Variants in ATP10D observed in about 807,000 individuals in gnomAD.
ATP10D encodes phospholipid-transporting ATPase VD.
Under a neutral mutation model 144.8 loss-of-function variants are expected in ATP10D, and 89 were observed. The observed-to-expected ratio is 0.61, with a 90% CI of 0.52 to 0.73. ATP10D has a LOEUF of 0.73. Ranked by LOEUF, ATP10D falls within the 30% of genes least tolerant of loss-of-function variation. ATP10D has a pLI of 0.00. For synonymous variants in ATP10D, 571 were observed against 615.1 expected (o/e 0.93, Z 1.06); for missense variants, 1,603 against 1,714.8 (o/e 0.93, Z 1.15).
intron 20 of ATP10D, among the ~76,000 whole-genome samples, chr4:47,581,388 A>G (rs532313164): frequency 6.6e-6 from 1 of 152,332 alleles, no homozygotes; most frequent in East Asian, 1.9e-4. Flanking sequence ...AATGAAAAAG[A>G]TGATCATTTC....
intron 1 of ATP10D, chr4:47,491,142 G>T: frequency 1.4e-6 from 1 of 734,478 alleles, no homozygotes. Flanking sequence ...TTTCCTTCAT[G>T]CGTTTCAGGA....
At chr4:47,491,634 C>T (rs1221893887) in intron 1 of ATP10D, among the ~76,000 whole-genome samples, 3 of 152,156 alleles carry the variant, frequency 2.0e-5, no homozygotes, top group Admixed American at 6.5e-5. Context: ...CATTTAATTT[C>T]GCATCACTTC....
At chr4:47,588,239 A>G (rs1720877593) in intron 22 of ATP10D, among the ~76,000 whole-genome samples, 1 of 152,206 alleles carries the variant, frequency 6.6e-6, no homozygotes, top group East Asian at 1.9e-4. Flanking sequence ...GGTTTTTAAT[A>G]TATAGATTCT....
At chr4:47,511,957 G>C (rs937461600) in intron 1 of ATP10D, among the ~76,000 whole-genome samples, 5 of 152,210 alleles carry the variant, frequency 3.3e-5, no homozygotes, top group African/African-American at 1.2e-4. Flanking sequence ...ATTAGCTGAA[G>C]CAAGGCACAT....
intron 1 of ATP10D, among the ~76,000 whole-genome samples, chr4:47,494,084 C>G (rs772173543): frequency 1.3e-5 from 2 of 152,090 alleles, no homozygotes; most frequent in Non-Finnish European, 2.9e-5. Context: ...GTCAGAAACA[C>G]AATGTTCAAC....
intron 11 of ATP10D, 59 bp from the exon 12 acceptor site, chr4:47,557,605 C>G: frequency 1.4e-6 from 2 of 1,452,928 alleles, no homozygotes; most frequent in South Asian, 3.3e-5. Flanking sequence ...AGTTTGCCTT[C>G]AAAGTTGTTA....
At chr4:47,504,197 T>G (rs1377168440) in intron 1 of ATP10D, among the ~76,000 whole-genome samples, 1 of 152,228 alleles carries the variant, frequency 6.6e-6, no homozygotes, top group Non-Finnish European at 1.5e-5. Flanking sequence ...TTGACCCTTG[T>G]CATCACAAAA....
Position 47,512,640 on chromosome 4 carries a change from C to T in ATP10D, c.100C>T (p.Leu34Phe). 1 of 1,614,168 alleles carries T rather than the reference C, an allele frequency of 6.2e-7. No homozygotes were observed. The highest frequency in any genetic ancestry group is 8.5e-7 in the Non-Finnish European group (1 of 1,180,036). ...DSGPYNYSSL[L>F]ACGRKSSQTP... ...AGGGCCATACAACTATTCCTCGTTG[C>T]TCGCCTGTGGGCGCAAGTCCTCTCA... Residue 34 changes from leucine (L) to phenylalanine (F), a missense_variant, in exon 2 of 23, where the codon CTC becomes TTC. Coordinates refer to ENST00000273859, the MANE Select transcript of ATP10D (RefSeq NM_020453.4).
chr4:47,534,682 A>G (rs1717746497), intron 5 of ATP10D, among the ~76,000 whole-genome samples: 1 of 152,184 alleles, frequency 6.6e-6, no homozygotes, highest in Admixed American at 6.5e-5. Context: ...CCAAGTCGAA[A>G]ATGATAATTT....
intron 9 of ATP10D, among the ~76,000 whole-genome samples, chr4:47,544,247 C>T (rs189766804): frequency 2.1e-3 from 325 of 152,294 alleles, no homozygotes; most frequent in African/African-American, 7.6e-3. Context: ...GTGCCTGGTA[C>T]ATAAGCAAAT....
chr4:47,529,373 C>T (rs543779420), intron 5 of ATP10D, among the ~76,000 whole-genome samples: 1 of 152,270 alleles, frequency 6.6e-6, no homozygotes, highest in Non-Finnish European at 1.5e-5. Context: ...CCAATTTTCC[C>T]AGCGCCATTT....
At chr4:47,560,589 A>G (rs949216262) in intron 13 of ATP10D, among the ~76,000 whole-genome samples, 1 of 152,258 alleles carries the variant, frequency 6.6e-6, no homozygotes, top group Non-Finnish European at 1.5e-5. Context: ...TCCTGATACC[A>G]CTTTCTCAAC....
At chr4:47,543,283 G>A (rs1005366055) in intron 9 of ATP10D, among the ~76,000 whole-genome samples, 16 of 152,116 alleles carry the variant, frequency 1.1e-4, no homozygotes, top group African/African-American at 3.9e-4. Flanking sequence ...GACATCCACT[G>A]GGGGTCTTGG....
rs1216481372 is a variant in ATP10D, at chr4:47,554,794, G to A, written c.1704G>A (p.Met568Ile). The A allele has an allele frequency of 1.9e-6, 3 of 1,613,878 alleles. No homozygotes were observed. In the African/African-American group the frequency reaches 4.0e-5, roughly 22 times the overall value. The part of the protein sequence containing the change: ...KFSQITPRLF[M>I]PLDETIQNPP... ...GTCAGATTACACCTCGGCTCTTTAT[G>A]CCACTAGATGAGACCATCCAAAATC... The change falls in exon 11 of 23, where the codon ATG (methionine) becomes ATA (isoleucine). Residue 568 changes from methionine (M) to isoleucine (I), a missense_variant. Coordinates refer to ENST00000273859, the MANE Select transcript of ATP10D (RefSeq NM_020453.4).
chr4:47,531,068 G>A (rs1188821687), intron 5 of ATP10D, among the ~76,000 whole-genome samples: 2 of 147,194 alleles, frequency 1.4e-5, no homozygotes, highest in Admixed American at 6.8e-5. Flanking sequence ...AATAGTTTCC[G>A]TAAGATGGGT....
rs1715920448 is a variant in ATP10D, at chr4:47,504,674, T to A, written c.-37-7830T>A. 4.6e-5 allele frequency among the ~76,000 whole-genome samples: 7 copies of A among 152,144 alleles called. No individual in the cohort carries two copies. The South Asian group carries it at 1.5e-3, about 32-fold the overall frequency. ...GCCTCCCGGGTTCACGCCATTCTGCTGCCTCAGCCTCCCAAGTAGCTGGGA... is the reference window on the plus strand; with the variant it reads ...GCCTCCCGGGTTCACGCCATTCTGCAGCCTCAGCCTCCCAAGTAGCTGGGA... On this transcript the variant is annotated intron_variant, in intron 1 of 22. Coordinates refer to ENST00000273859, the MANE Select transcript of ATP10D (RefSeq NM_020453.4).
At chr4:47,516,191 C>T (rs1222677895) in intron 3 of ATP10D, among the ~76,000 whole-genome samples, 1 of 151,650 alleles carries the variant, frequency 6.6e-6, no homozygotes, top group Admixed American at 6.6e-5. Context: ...GATCGCACCA[C>T]TGCACTCCAG....
At chr4:47,525,400 T>C (rs1178611083) in intron 4 of ATP10D, among the ~76,000 whole-genome samples, 157 bp from the exon 5 acceptor site, 1 of 152,184 alleles carries the variant, frequency 6.6e-6, no homozygotes, top group Non-Finnish European at 1.5e-5. Context: ...GATCACATGA[T>C]TATGCCTCTA....
chr4:47,581,118 G>C (rs956540837), intron 20 of ATP10D, among the ~76,000 whole-genome samples: 2 of 152,074 alleles, frequency 1.3e-5, no homozygotes, highest in African/African-American at 4.8e-5. Context: ...TGAGTGCTGG[G>C]CTAATTCTAC....
Sources: allele counts gnomAD v4.1 joint callset (sites outside exome capture counted in the v4.1 genomes callset), GRCh38; gene constraint gnomAD v4.1.1; transcripts MANE v1.5; gene names NCBI Gene and HGNC (gene_info 2026-07-23, HGNC 2026-07-21).